Variants in TAF1B observed in about 807,000 individuals in gnomAD.
The protein encoded by TAF1B is TATA-box binding protein associated factor, RNA polymerase I subunit B.
A neutral mutation model predicts 83.9 loss-of-function variants in TAF1B; 61 were observed. The ratio of observed to expected loss-of-function variants is 0.73; its 90% CI spans 0.59 to 0.90. The LOEUF is 0.90. Ranked by LOEUF, TAF1B falls within the 40% of genes least tolerant of loss-of-function variation. The probability of loss-of-function intolerance (pLI) is 0.00; values close to 1 mark genes in which losing one functional copy is unlikely to be tolerated. For missense variants in TAF1B, 625 were observed against 677.0 expected (o/e 0.92, Z 0.85); for synonymous variants, 221 against 224.6 (o/e 0.98, Z 0.14).
In TAF1B at chr2:9,878,723, G is replaced by C. The variant is rs137943856; in HGVS notation, c.707+2705G>C. On this transcript the variant is annotated intron_variant, in intron 7 of 14. Transcript: ENST00000263663. ...CTGGCATCTAGACCCTTGCGATGCA[G>C]TTGTGAATCATATAGGTCAAGTCCT... Among the ~76,000 whole-genome samples, 20 of 152,338 alleles carry C rather than the reference G, an allele frequency of 1.3e-4. No individual in the cohort carries two copies. The East Asian group carries it at 2.3e-3, about 18-fold the overall frequency.
At chr2:9,920,527 C>T (rs777348212) in intron 14 of TAF1B, among the ~76,000 whole-genome samples, 2 of 141,584 alleles carry the variant, frequency 1.4e-5, no homozygotes, top group African/African-American at 5.4e-5. Flanking sequence ...AAACAAGTGC[C>T]GTGTCCTCCT....
intron 5 of TAF1B, among the ~76,000 whole-genome samples, chr2:9,855,678 G>A (rs983730576): frequency 4.6e-5 from 7 of 151,680 alleles, no homozygotes; most frequent in African/African-American, 1.5e-4. Flanking sequence ...AGTGAGACTT[G>A]TCTCAAAAAA....
At chr2:9,922,196 A>T (rs1300107336) in intron 14 of TAF1B, among the ~76,000 whole-genome samples, 2 of 152,068 alleles carry the variant, frequency 1.3e-5, no homozygotes, top group African/African-American at 4.8e-5. Flanking sequence ...AGCTGTGCTG[A>T]CCCAGTTGTA....
intron 14 of TAF1B, among the ~76,000 whole-genome samples, chr2:9,929,942 A>AT (rs1231296640): frequency 2.0e-5 from 3 of 152,062 alleles, no homozygotes; most frequent in Non-Finnish European, 1.5e-5. Context: ...GAATTTATTC[A>AT]TTTTTTCTAG....
intron 5 of TAF1B, among the ~76,000 whole-genome samples, chr2:9,861,253 A>G (rs918105929): frequency 6.6e-6 from 1 of 152,244 alleles, no homozygotes; most frequent in African/African-American, 2.4e-5. Context: ...CCACCCTAAT[A>G]CTGCGCTTTT....
At chr2:9,849,341 CT>C in intron 2 of TAF1B, 31 bp from the exon 3 acceptor site, 1 of 1,525,246 alleles carries the variant, frequency 6.6e-7, no homozygotes, top group Non-Finnish European at 8.9e-7. Context: ...GTAAAACGAT[CT>C]TTTTTAATGG....
chr2:9,889,845 C>T (rs910450658), intron 8 of TAF1B, among the ~76,000 whole-genome samples: 4 of 152,160 alleles, frequency 2.6e-5, no homozygotes, highest in Non-Finnish European at 5.9e-5. Context: ...AAAGACTCTA[C>T]CCAATGCCTC....
Position 9,882,776 on chromosome 2 carries a change from G to A in TAF1B, c.778G>A (p.Gly260Arg). The change falls in exon 8 of 15, where the codon GGA (glycine) becomes AGA (arginine). Residue 260 changes from glycine to arginine, a missense_variant. Gly to Arg is a moderately radical substitution (Grantham distance 125). Transcript: ENST00000263663. ...QHFPEQMKLY[G>R]RDRGIFGIES... ...TTTTCCAGAACAGATGAAATTATAT[G>A]GACGTGACAGAGGAATCTTTGGTAT... The A allele has an allele frequency of 6.2e-7, 1 of 1,611,100 alleles. No homozygotes were observed. Among genetic ancestry groups the A allele is most frequent in the Non-Finnish European group, 8.5e-7 (1 of 1,178,584 alleles).
chr2:9,876,180 G>A (rs913413310), intron 7 of TAF1B, among the ~76,000 whole-genome samples, 162 bp downstream of exon 7: 3 of 152,198 alleles, frequency 2.0e-5, no homozygotes, highest in African/African-American at 7.2e-5. Flanking sequence ...TCCCCCCTGG[G>A]CTAGTAATTC....
chr2:9,896,143 CATTT>C (rs1234013741), intron 8 of TAF1B, among the ~76,000 whole-genome samples: 2 of 152,118 alleles, frequency 1.3e-5, no homozygotes, highest in African/African-American at 4.8e-5. Context: ...CTGTATGTCA[CATTT>C]ATTATTCCTT....
chr2:9,931,835 A>G (rs1394840380), intron 14 of TAF1B, among the ~76,000 whole-genome samples: 1 of 152,130 alleles, frequency 6.6e-6, no homozygotes, highest in Non-Finnish European at 1.5e-5. Context: ...CTTTTCACAT[A>G]GTCCCATATT....
intron 7 of TAF1B, among the ~76,000 whole-genome samples, chr2:9,879,321 A>G (rs950344633): frequency 6.6e-6 from 1 of 152,174 alleles, no homozygotes; most frequent in African/African-American, 2.4e-5. Context: ...CTGACAGTAG[A>G]TCTGAGAATG....
At chr2:9,893,954 A>G (rs1318596336) in intron 8 of TAF1B, among the ~76,000 whole-genome samples, 2 of 152,196 alleles carry the variant, frequency 1.3e-5, no homozygotes, top group Non-Finnish European at 2.9e-5. Flanking sequence ...TAGTATATGT[A>G]TTCTTTTGCA....
chr2:9,932,082 GT>G (rs974238202), intron 14 of TAF1B, among the ~76,000 whole-genome samples: 1 of 152,128 alleles, frequency 6.6e-6, no homozygotes, highest in African/African-American at 2.4e-5. Context: ...TTTTTTCAAG[GT>G]TTTTAGCTTC....
intron 13 of TAF1B, 30 bp from the exon 14 acceptor site, chr2:9,919,568 A>G (rs754986699): frequency 6.4e-7 from 1 of 1,570,976 alleles, no homozygotes; most frequent in South Asian, 1.1e-5. Flanking sequence ...ATTACTTGTT[A>G]TTTTGTTTCC....
chr2:9,910,685 G>C, intron 9 of TAF1B, 51 bp from the exon 10 acceptor site: 1 of 1,515,970 alleles, frequency 6.6e-7, no homozygotes, highest in Non-Finnish European at 9.0e-7. Flanking sequence ...TATATACATT[G>C]GGGATGGTCT....
chr2:9,877,796 T>A (rs72782635), intron 7 of TAF1B, among the ~76,000 whole-genome samples: 1 of 152,026 alleles, frequency 6.6e-6, no homozygotes, highest in African/African-American at 2.4e-5. Context: ...GTGGTTGGAA[T>A]AATAGGGGTA....
chr2:9,859,066 T>C lies in TAF1B; in HGVS notation c.399+4645T>C, dbSNP rs542393350. 1.4e-4 allele frequency among the ~76,000 whole-genome samples: 21 copies of C among 152,366 alleles called. No individual in the cohort carries two copies. In the South Asian group the frequency reaches 3.1e-3, roughly 23 times the overall value. On this transcript the variant is annotated intron_variant, in intron 5 of 14. Transcript: ENST00000263663. Reference sequence around the variant, plus strand: ...TTACCTTGTCGTCCTGCTGGAAATATTCCAAACTTCTATGCTCTGCTTCCC... The same window carrying C: ...TTACCTTGTCGTCCTGCTGGAAATACTCCAAACTTCTATGCTCTGCTTCCC...
intron 4 of TAF1B, among the ~76,000 whole-genome samples, chr2:9,853,159 A>G (rs1053098487): frequency 2.6e-5 from 4 of 152,204 alleles, no homozygotes; most frequent in Admixed American, 2.6e-4. Flanking sequence ...GTTTGTTCCT[A>G]TGTAGCTTTA....
Sources: allele counts gnomAD v4.1 joint callset (sites outside exome capture counted in the v4.1 genomes callset), GRCh38; gene constraint gnomAD v4.1.1; transcripts MANE v1.5; gene names NCBI Gene and HGNC (gene_info 2026-07-23, HGNC 2026-07-21).